Variants in LFNG observed in about 807,000 individuals in gnomAD.
LFNG encodes beta-1,3-N-acetylglucosaminyltransferase lunatic fringe.
LFNG carries 15 observed loss-of-function variants against 32.7 expected under a neutral mutation model. That is an observed-to-expected ratio of 0.46 (90% CI 0.31 to 0.71). The LOEUF (loss-of-function observed/expected upper bound fraction) is 0.71. Among genes scored for constraint, LFNG ranks in the 30% least tolerant of loss-of-function variants. The probability of loss-of-function intolerance (pLI) is 0.06; values close to 1 mark genes in which losing one functional copy is unlikely to be tolerated. For synonymous variants in LFNG, 274 were observed against 246.8 expected, an observed-to-expected ratio of 1.11 and a Z score of -1.03; for missense variants, 520 against 545.7, an observed-to-expected ratio of 0.95 and a Z score of 0.47.
chr7:2,518,091 T>C (rs1779673714), upstream of LFNG: 2 of 324,012 alleles, frequency 6.2e-6, no homozygotes, highest in Admixed American at 1.0e-4. Context: ...CGTGGGGTCA[T>C]GGACACCCCT....
Position 2,527,079 on chromosome 7 carries a change from G to A in LFNG, c.1074-67G>A. The A allele has an allele frequency of 6.6e-7, 1 of 1,526,594 alleles. No individual in the cohort carries two copies. Among genetic ancestry groups the A allele is most frequent in the Non-Finnish European group, 9.1e-7 (1 of 1,104,934 alleles). 94.6% of individuals were successfully genotyped at this position (1,526,594 alleles called of 1,614,324 possible). On this transcript the variant is annotated intron_variant, in intron 7 of 7. Coordinates refer to ENST00000222725, the MANE Select transcript of LFNG (RefSeq NM_001040167.2). This position sits in a 1 kb window ranked among gnomAD's most constrained non-coding sequence, Gnocchi z 4.4. ...CGGGGTGGGGCCGCCAGTGTTGTGG[G>A]ACTGCAAATGGGAGCTCAGCACCTG... is the stretch of plus-strand genomic sequence containing the variant.
At chr7:2,519,540 GCCCGCAGGGGCTA>G (rs886915834), upstream of LFNG, among the ~76,000 whole-genome samples, 4 of 151,450 alleles carry the variant, frequency 2.6e-5, no homozygotes, top group African/African-American at 2.4e-5. Flanking sequence ...CCCCTCGGCG[GCCCGCAGGGGCTA>G]CCCGGGGCGG....
chr7:2,522,894 G>A (rs1454273423), intron 1 of LFNG, among the ~76,000 whole-genome samples: 1 of 152,236 alleles, frequency 6.6e-6, no homozygotes, highest in African/African-American at 2.4e-5. Context: ...ACGAGACTGA[G>A]GCTCTGAGCG....
upstream of LFNG, chr7:2,513,431 G>A: frequency 1.6e-6 from 2 of 1,285,396 alleles, no homozygotes; most frequent in South Asian, 3.2e-5. Context: ...CCTTTCAAGG[G>A]GGAAAGATGG....
chr7:2,514,356 G>A (rs1406328584), upstream of LFNG, among the ~76,000 whole-genome samples: 1 of 152,024 alleles, frequency 6.6e-6, no homozygotes, highest in African/African-American at 2.4e-5. Flanking sequence ...ATACACACAG[G>A]CACTGCTCTA....
chr7:2,516,081 A>G (rs1779620525), upstream of LFNG, among the ~76,000 whole-genome samples: 1 of 152,190 alleles, frequency 6.6e-6, no homozygotes, highest in African/African-American at 2.4e-5. Context: ...AAACACTGCC[A>G]GTTCTGATGC....
chr7:2,518,932 C>T (rs1019469282), upstream of LFNG, among the ~76,000 whole-genome samples: 1 of 151,880 alleles, frequency 6.6e-6, no homozygotes, highest in Non-Finnish European at 1.5e-5. Flanking sequence ...TGGGAAGGGC[C>T]GGGGATGGGG....
At position 2,520,059 on chromosome 7, in the gene LFNG, G is replaced by A; in HGVS notation, c.198G>A (p.Ala66=). Residue 66 remains alanine, a synonymous_variant, in exon 1 of 8, where the codon GCG becomes GCA. Transcript: ENST00000222725. The surrounding 1 kb of genome is among the most constrained non-coding windows in gnomAD (Gnocchi z 5.0). The part of the protein sequence containing the change: ...GLGAAAAAPG[A]LVRDVHSLSE... ...GGGCGGCGGCGGCGGCGCCCGGGGC[G>A]CTGGTCCGCGACGTGCACAGTCTGT... The A allele has an allele frequency of 8.6e-7, 1 of 1,160,132 alleles. No homozygotes were observed. The highest frequency in any genetic ancestry group is 1.1e-6 in the Non-Finnish European group (1 of 940,014). The allele number at this position is 1,160,132 out of a possible 1,614,324, so 71.9% of individuals were successfully genotyped here. A position where few individuals can be genotyped will look rare whatever the true frequency, so the allele number is the denominator to read the frequency against.
At chr7:2,515,756 C>G (rs1381628233), upstream of LFNG, among the ~76,000 whole-genome samples, 2 of 152,232 alleles carry the variant, frequency 1.3e-5, no homozygotes, top group Non-Finnish European at 1.5e-5. Context: ...GGCACTGGCC[C>G]AAGACCACAC....
upstream of LFNG, among the ~76,000 whole-genome samples, chr7:2,518,104 G>C (rs533509805): frequency 1.3e-5 from 2 of 152,286 alleles, no homozygotes; most frequent in African/African-American, 4.8e-5. Context: ...ACACCCCTCA[G>C]TCCGGAGGCT....
At position 2,527,074 on chromosome 7, in the gene LFNG, T is replaced by G. The variant is rs774017677; in HGVS notation, c.1074-72T>G. Reference sequence around the variant, plus strand: ...TTGCTCGGGGTGGGGCCGCCAGTGTTGTGGGACTGCAAATGGGAGCTCAGC... The same window carrying G: ...TTGCTCGGGGTGGGGCCGCCAGTGTGGTGGGACTGCAAATGGGAGCTCAGC... On this transcript the variant is annotated intron_variant, in intron 7 of 7. Coordinates refer to ENST00000222725, the MANE Select transcript of LFNG (RefSeq NM_001040167.2). This position sits in a 1 kb window ranked among gnomAD's most constrained non-coding sequence, Gnocchi z 4.4. The G allele has an allele frequency of 3.3e-6, 5 of 1,514,440 alleles. No individual in the cohort carries two copies. In the Admixed American group the frequency reaches 8.5e-5, roughly 26 times the overall value. 93.8% of individuals were successfully genotyped at this position (1,514,440 alleles called of 1,614,324 possible).
rs1780018423 is a variant in LFNG at position 2,527,304 on chromosome 7, T to C, written c.*92T>C. ...CTGCCCTGGCCTCGGCATTCGAGGC[T>C]CCCCTAGGGCCGTGCCTGTGCGTGT... On this transcript the variant is annotated 3_prime_UTR_variant, in exon 8 of 8. Coordinates refer to ENST00000222725, the MANE Select transcript of LFNG (RefSeq NM_001040167.2). The surrounding 1 kb of genome is among the most constrained non-coding windows in gnomAD (Gnocchi z 4.4). 3 of 1,563,646 alleles carry C rather than the reference T, an allele frequency of 1.9e-6. No homozygotes were observed. The highest frequency in any genetic ancestry group is 1.9e-5 in the Admixed American group (1 of 53,968).
chr7:2,524,970 G>C (rs959978181), intron 2 of LFNG, among the ~76,000 whole-genome samples: 3 of 152,238 alleles, frequency 2.0e-5, no homozygotes, highest in Non-Finnish European at 4.4e-5. Context: ...CCCAGGCAGC[G>C]GCAACAGGTG....
upstream of LFNG, chr7:2,517,949 G>A: frequency 8.7e-7 from 1 of 1,147,148 alleles, no homozygotes; most frequent in South Asian, 1.8e-5. Context: ...AAGCAGGTAG[G>A]ATAGGAGTGG....
upstream of LFNG, among the ~76,000 whole-genome samples, chr7:2,514,654 C>T (rs1779568809): frequency 6.6e-6 from 1 of 152,006 alleles, no homozygotes; most frequent in African/African-American, 2.4e-5. Flanking sequence ...ATCCATCCAT[C>T]CGTTAGTCTG....
chr7:2,528,690 G>A (rs1005810523), downstream of LFNG, among the ~76,000 whole-genome samples: 1 of 152,184 alleles, frequency 6.6e-6, no homozygotes. Context: ...AACAGGTCTA[G>A]GATGCTGGGG....
downstream of LFNG, chr7:2,528,754 C>T: frequency 1.6e-6 from 1 of 637,656 alleles, no homozygotes; most frequent in South Asian, 1.7e-5. Flanking sequence ...GGTCTGGCCA[C>T]TGGGGAGCCC....
chr7:2,522,731 G>A (rs539298184), intron 1 of LFNG, among the ~76,000 whole-genome samples: 29 of 152,218 alleles, frequency 1.9e-4, no homozygotes, highest in Non-Finnish European at 3.7e-4. Context: ...TCAGGCTGGT[G>A]CCTGCACCTC....
chr7:2,517,830 G>A, upstream of LFNG: 1 of 1,223,666 alleles, frequency 8.2e-7, no homozygotes, highest in Non-Finnish European at 1.1e-6. Context: ...GTGAATATCA[G>A]GCGGGACTTT....
Sources: gnomAD v4.1 joint callset for allele counts (sites outside exome capture counted in the v4.1 genomes callset) on GRCh38, gnomAD v4.1.1 for gene constraint, Gnocchi (gnomAD v3.1) non-coding constraint, MANE v1.5 for transcripts, NCBI Gene and HGNC (gene_info 2026-07-23, HGNC 2026-07-21) for gene names.